Variants in CNGB3 observed in about 807,000 individuals in gnomAD.
The protein encoded by CNGB3 is cyclic nucleotide gated channel subunit beta 3.
A neutral mutation model predicts 92.8 loss-of-function variants in CNGB3; 86 were observed. The ratio of observed to expected loss-of-function variants is 0.93; its 90% CI spans 0.78 to 1.11. The LOEUF is 1.11. Among genes scored for constraint, CNGB3 ranks in the 50% least tolerant of loss-of-function variants. CNGB3 has a pLI of 0.00. For missense variants in CNGB3, 1,026 were observed against 956.8 expected, an observed-to-expected ratio of 1.07 and a Z score of -0.95; for synonymous variants, 333 against 332.7, an observed-to-expected ratio of 1.00 and a Z score of -0.01.
chr8:86,589,822 TG>T (rs1337033692), intron 15 of CNGB3, among the ~76,000 whole-genome samples: 1 of 152,056 alleles, frequency 6.6e-6, no homozygotes, highest in Non-Finnish European at 1.5e-5. Context: ...TCTGTTGATT[TG>T]GGGTGGAGAG....
chr8:86,738,707 T>G (rs1287586626), intron 2 of CNGB3, among the ~76,000 whole-genome samples: 2 of 151,878 alleles, frequency 1.3e-5, no homozygotes, highest in African/African-American at 4.8e-5. Context: ...GGCTTGGTGG[T>G]GTGCACCTGT....
intron 2 of CNGB3, among the ~76,000 whole-genome samples, chr8:86,731,298 G>C (rs546446615): frequency 6.6e-6 from 1 of 152,258 alleles, no homozygotes; most frequent in African/African-American, 2.4e-5. Context: ...CCTGTGCTAA[G>C]GGAGCCTGTG....
chr8:86,693,956 A>C (rs77705723), intron 3 of CNGB3, among the ~76,000 whole-genome samples: 136 of 151,426 alleles, frequency 9.0e-4, no homozygotes, highest in South Asian at 8.1e-3. Context: ...TCAATGAGCC[A>C]TTGGGTACAC....
rs903853045 is a variant in CNGB3, at chr8:86,734,870, A to G, written c.211+4785T>C. ...CCAACCTCAATGCTAAATGCTTTAC[A>G]TATATTAACTAATTTAATTCTCACT... On this transcript the variant is annotated intron_variant, in intron 2 of 17. Coordinates refer to ENST00000320005, the MANE Select transcript of CNGB3 (RefSeq NM_019098.5). Among the ~76,000 whole-genome samples, 3 of 152,046 alleles carry G rather than the reference A, an allele frequency of 2.0e-5. No individual in the cohort carries two copies. The East Asian group carries it at 5.8e-4, about 29-fold the overall frequency.
At chr8:86,720,109 C>A (rs545233311) in intron 3 of CNGB3, among the ~76,000 whole-genome samples, 2 of 152,166 alleles carry the variant, frequency 1.3e-5, no homozygotes, top group East Asian at 3.9e-4. Context: ...TGACCAAGAA[C>A]CCAAAAGCAA....
intron 6 of CNGB3, chr8:86,659,744 T>C (rs985755256): frequency 1.0e-4 from 38 of 371,128 alleles, no homozygotes; most frequent in African/African-American, 7.3e-4. Context: ...ATCCCTATGG[T>C]CTGAATTTGA....
intron 6 of CNGB3, chr8:86,658,452 A>T (rs2131606886): frequency 2.4e-6 from 1 of 410,534 alleles, no homozygotes. Flanking sequence ...GGTCTCCTGC[A>T]ACCCTTGGCA....
chr8:86,716,984 A>G (rs1055373076), intron 3 of CNGB3, among the ~76,000 whole-genome samples: 8 of 152,192 alleles, frequency 5.3e-5, no homozygotes, highest in Admixed American at 4.6e-4. Context: ...CTCACCTAAC[A>G]CATAATGACT....
At chr8:86,702,060 G>A (rs1239870008) in intron 3 of CNGB3, among the ~76,000 whole-genome samples, 2 of 152,028 alleles carry the variant, frequency 1.3e-5, no homozygotes, top group Non-Finnish European at 2.9e-5. Flanking sequence ...TATTTTAATG[G>A]TTGTTAATAA....
chr8:86,596,011 A>T (rs182539276), intron 15 of CNGB3, among the ~76,000 whole-genome samples: 1 of 152,312 alleles, frequency 6.6e-6, no homozygotes, highest in East Asian at 1.9e-4. Context: ...AGAATATATC[A>T]ATGCCTGAAT....
At chr8:86,707,781 T>C (rs768945519) in intron 3 of CNGB3, 1 of 152,204 alleles carries the variant, frequency 6.6e-6, no homozygotes, top group African/African-American at 2.4e-5. Context: ...GCAATAGCTA[T>C]GTGAGAGAGA....
At chr8:86,657,817 G>T in intron 6 of CNGB3, 1 of 506,878 alleles carries the variant, frequency 2.0e-6, no homozygotes. Context: ...TATTCCTTCT[G>T]GTGCCACGTC....
chr8:86,627,479 A>G (rs1391711912), intron 12 of CNGB3, among the ~76,000 whole-genome samples: 2 of 152,170 alleles, frequency 1.3e-5, no homozygotes. Context: ...AGACCCTACC[A>G]TAATAACCAG....
At chr8:86,733,083 C>T (rs1326054309) in intron 2 of CNGB3, among the ~76,000 whole-genome samples, 1 of 152,002 alleles carries the variant, frequency 6.6e-6, no homozygotes, top group African/African-American at 2.4e-5. Context: ...AGTTTTTCAA[C>T]TCTTCCCCCC....
intron 10 of CNGB3, among the ~76,000 whole-genome samples, chr8:86,642,225 A>G (rs1823202482): frequency 6.6e-6 from 1 of 151,710 alleles, no homozygotes; most frequent in South Asian, 2.1e-4. Context: ...TGTTTTGCTA[A>G]TTTGAAAAAA....
intron 3 of CNGB3, among the ~76,000 whole-genome samples, chr8:86,706,171 C>T (rs1420184917): frequency 6.6e-6 from 1 of 151,946 alleles, no homozygotes; most frequent in Admixed American, 6.6e-5. Flanking sequence ...AGTACTTTTC[C>T]AGGTCTCATT....
chr8:86,601,487 T>A (rs1266576323), intron 15 of CNGB3, among the ~76,000 whole-genome samples: 1 of 152,188 alleles, frequency 6.6e-6, no homozygotes, highest in Non-Finnish European at 1.5e-5. Flanking sequence ...GATTAATATA[T>A]AATGTCCTTG....
rs577041928 is a variant in CNGB3, at chr8:86,716,720, G to T, written c.338+9811C>A. On this transcript the variant is annotated intron_variant, in intron 3 of 17. Transcript: ENST00000320005. ...AGTACTTAAAGAACTGCTAAAAGGG[G>T]CTCTAAATCTTGAAATAAAACCTCA... 5.8e-3 allele frequency among the ~76,000 whole-genome samples: 889 copies of T among 152,210 alleles called. 9 individuals are homozygous for T. Among genetic ancestry groups the T allele is most frequent in the African/African-American group, 0.02 (825 of 41,530 alleles).
chr8:86,700,269 ATT>A (rs904362006), intron 3 of CNGB3, among the ~76,000 whole-genome samples: 3 of 152,106 alleles, frequency 2.0e-5, no homozygotes, highest in African/African-American at 7.2e-5. Context: ...TATCTGAGGC[ATT>A]TGTGTGACAT....
Sources: gnomAD v4.1 joint callset for allele counts (sites outside exome capture counted in the v4.1 genomes callset) on GRCh38, gnomAD v4.1.1 for gene constraint, MANE v1.5 for transcripts, NCBI Gene and HGNC (gene_info 2026-07-23, HGNC 2026-07-21) for gene names.